The following CCNY variants were observed in gnomAD, a reference collection of about 807,000 sequenced individuals.
CCNY encodes the protein cyclin-Y.
Under a neutral mutation model 42.8 loss-of-function variants are expected in CCNY, and 19 were observed. The ratio of observed to expected loss-of-function variants is 0.44; its 90% CI spans 0.31 to 0.65. CCNY has a LOEUF of 0.65. CCNY is among the 30% of genes least tolerant of loss of function. The pLI is 0.07. For missense variants in CCNY, 370 were observed against 437.3 expected (o/e 0.85, Z 1.37); for synonymous variants, 165 against 162.7 (o/e 1.01, Z -0.11).
At chr10:35,553,220 G>A (rs1159548275) in intron 8 of CCNY, 35 bp downstream of exon 8, 1 of 1,604,660 alleles carries the variant, frequency 6.2e-7, no homozygotes, top group Non-Finnish European at 8.5e-7. Context: ...GGTCATCAGA[G>A]TCTTGGCCAG....
intron 1 of CCNY, among the ~76,000 whole-genome samples, chr10:35,403,841 T>C (rs1345894058): frequency 6.6e-6 from 1 of 152,252 alleles, no homozygotes; most frequent in Non-Finnish European, 1.5e-5. Context: ...TAGCCTGCCT[T>C]TGCTGGTGAG....
In CCNY at chr10:35,282,733, A is replaced by G. The variant is rs571509050; in HGVS notation, c.-9+32107A>G. Among the ~76,000 whole-genome samples, 75 of 151,532 alleles carry G rather than the reference A, an allele frequency of 4.9e-4. 1 individual carries two copies. The highest frequency in any genetic ancestry group is 3.4e-3 in the Middle Eastern group (1 of 292). Reference sequence around the variant, plus strand: ...GTGAGACTGTCTCAAAAAAAAAAAAAAAAAGAAAAGAAAAGAAAAAAATAA... The same window carrying G: ...GTGAGACTGTCTCAAAAAAAAAAAAGAAAAGAAAAGAAAAGAAAAAAATAA... On this transcript the variant is annotated intron_variant, in intron 3 of 11. Coordinates refer to the CCNY transcript ENST00000374706.
chr10:35,511,147 G>GGT (rs1199710892), intron 3 of CCNY, among the ~76,000 whole-genome samples: 1 of 152,198 alleles, frequency 6.6e-6, no homozygotes, highest in African/African-American at 2.4e-5. Flanking sequence ...GCCACACTGT[G>GGT]GTCTCCCTCA....
chr10:35,505,748 T>G (rs1222333066), intron 3 of CCNY, among the ~76,000 whole-genome samples: 2 of 152,222 alleles, frequency 1.3e-5, no homozygotes, highest in African/African-American at 4.8e-5. Flanking sequence ...TAAAATTGAT[T>G]TAATTTTCCA....
chr10:35,555,633 G>A (rs1841348400), intron 8 of CCNY, among the ~76,000 whole-genome samples: 1 of 152,158 alleles, frequency 6.6e-6, no homozygotes, highest in African/African-American at 2.4e-5. Context: ...AAGATGCCCA[G>A]GTGACTTGAC....
chr10:35,312,008 C>T (rs1056460736), intron 3 of CCNY, among the ~76,000 whole-genome samples: 2 of 150,500 alleles, frequency 1.3e-5, no homozygotes, highest in African/African-American at 4.9e-5. Context: ...TTGTTTGGTT[C>T]CTTCTTGTTA....
chr10:35,408,690 C>G (rs572125593), intron 1 of CCNY, among the ~76,000 whole-genome samples: 1 of 152,132 alleles, frequency 6.6e-6, no homozygotes, highest in Non-Finnish European at 1.5e-5. Context: ...TTCAGGCCAT[C>G]TGGATGTATA....
At position 35,572,582 on chromosome 10, in the gene CCNY, G is replaced by A. The variant is rs1051528136; in HGVS notation, c.*3412G>A. On this transcript the variant is annotated 3_prime_UTR_variant, in exon 10 of 10. Coordinates refer to ENST00000374704, the MANE Select transcript of CCNY (RefSeq NM_145012.6). Reference sequence around the variant, plus strand: ...GGCGTGAGCCACTGCCCCTGGCCCAGATTTGAAATTTTTTAAAAATAAAAC... The same window carrying A: ...GGCGTGAGCCACTGCCCCTGGCCCAAATTTGAAATTTTTTAAAAATAAAAC... The A allele has an allele frequency of 1.3e-5, 2 of 152,082 alleles. No individual in the cohort carries two copies. Among genetic ancestry groups the A allele is most frequent in the Admixed American group, 6.5e-5 (1 of 15,268 alleles). The allele number at this position is 152,082 out of a possible 1,614,324, so 9.4% of individuals were successfully genotyped here.
At chr10:35,499,207 C>T (rs1196121854) in intron 2 of CCNY, among the ~76,000 whole-genome samples, 1 of 151,682 alleles carries the variant, frequency 6.6e-6, no homozygotes, top group Non-Finnish European at 1.5e-5. Context: ...GGGCAGTTTA[C>T]AAAAGAGGTT....
chr10:35,547,411 C>T (rs1841138895), intron 7 of CCNY, among the ~76,000 whole-genome samples: 1 of 152,090 alleles, frequency 6.6e-6, no homozygotes, highest in South Asian at 2.1e-4. Context: ...CTTTCCAGTG[C>T]AGTTACAATG....
At chr10:35,303,755 C>T (rs549002125) in intron 3 of CCNY, among the ~76,000 whole-genome samples, 2 of 113,232 alleles carry the variant, frequency 1.8e-5, no homozygotes, top group African/African-American at 3.6e-5. Context: ...CCAGCCTGGG[C>T]GACAACAGCG....
At chr10:35,550,732 A>G (rs1196513835) in intron 7 of CCNY, among the ~76,000 whole-genome samples, 1 of 152,140 alleles carries the variant, frequency 6.6e-6, no homozygotes, top group Non-Finnish European at 1.5e-5. Context: ...TTTCCAAACT[A>G]TTACAAGACT....
At chr10:35,415,677 CAG>C (rs1384714033) in intron 1 of CCNY, among the ~76,000 whole-genome samples, 3 of 152,306 alleles carry the variant, frequency 2.0e-5, no homozygotes, top group African/African-American at 7.2e-5. Context: ...GTCGAGAAGT[CAG>C]AGCTGCTGAT....
At chr10:35,341,576 A>G (rs936276340) in intron 1 of CCNY, among the ~76,000 whole-genome samples, 4 of 152,252 alleles carry the variant, frequency 2.6e-5, no homozygotes, top group Non-Finnish European at 5.9e-5. Context: ...TGAAGATACT[A>G]TAAATATTTG....
intron 3 of CCNY, among the ~76,000 whole-genome samples, chr10:35,309,382 G>C (rs1835653982): frequency 6.6e-6 from 1 of 152,170 alleles, no homozygotes; most frequent in Admixed American, 6.5e-5. Flanking sequence ...GAATCTACCT[G>C]GGAGGCTTGT....
At chr10:35,289,375 T>A (rs1304543728) in intron 3 of CCNY, 1 of 152,202 alleles carries the variant, frequency 6.6e-6, no homozygotes, top group Non-Finnish European at 1.5e-5. Context: ...TTCTTTTTCT[T>A]CTTCTTACTT....
chr10:35,277,657 A>G (rs919249421), intron 3 of CCNY, among the ~76,000 whole-genome samples: 5 of 151,984 alleles, frequency 3.3e-5, no homozygotes, highest in African/African-American at 1.2e-4. Context: ...AATAGCTTCC[A>G]TGTCTCTCTC....
chr10:35,455,586 A>G (rs1162718706), intron 1 of CCNY: 1 of 152,092 alleles, frequency 6.6e-6, no homozygotes, highest in African/African-American at 2.4e-5. Flanking sequence ...TGGCCTTGAG[A>G]GCCTCAGGAT....
At chr10:35,409,901 C>G (rs1194088626) in intron 1 of CCNY, among the ~76,000 whole-genome samples, 1 of 152,014 alleles carries the variant, frequency 6.6e-6, no homozygotes, top group African/African-American at 2.4e-5. Flanking sequence ...CATGTGTTAC[C>G]ATGCCTGGCT....
Sources: gnomAD v4.1 joint callset for allele counts (sites outside exome capture counted in the v4.1 genomes callset) on GRCh38, gnomAD v4.1.1 for gene constraint, MANE v1.5 for transcripts, NCBI Gene and HGNC (gene_info 2026-07-23, HGNC 2026-07-21) for gene names.